KCNK2: variants seen among roughly 807,000 people sequenced by gnomAD.
KCNK2 encodes the protein potassium two pore domain channel subfamily K member 2.
In KCNK2, 21 loss-of-function variants were observed where a neutral mutation model predicts 40.5. The ratio of observed to expected loss-of-function variants is 0.52; its 90% CI spans 0.37 to 0.75. The LOEUF (loss-of-function observed/expected upper bound fraction) is 0.75. Ranked by LOEUF, KCNK2 falls within the 30% of genes least tolerant of loss-of-function variation. The pLI, the probability that KCNK2 is intolerant of heterozygous loss-of-function variation, is 0.00. For missense variants in KCNK2, 399 were observed against 531.6 expected, an observed-to-expected ratio of 0.75 and a Z score of 2.45; for synonymous variants, 191 against 202.2, an observed-to-expected ratio of 0.94 and a Z score of 0.47.
intron 1 of KCNK2, among the ~76,000 whole-genome samples, chr1:215,027,742 T>C (rs1177708902): frequency 6.6e-6 from 1 of 152,222 alleles, no homozygotes; most frequent in Non-Finnish European, 1.5e-5. Context: ...TTCCATATTT[T>C]CTGTAGTATA....
chr1:215,214,843 G>GAAAAACC lies in KCNK2; in HGVS notation c.963+19764_963+19770dup, dbSNP rs568845245. Among the ~76,000 whole-genome samples the GAAAAACC allele has an allele frequency of 1.5e-4, 23 of 151,820 alleles. 2 individuals carry two copies. In the South Asian group the frequency reaches 4.8e-3, roughly 32 times the overall value. On this transcript the variant is annotated intron_variant, in intron 6 of 6. Transcript: ENST00000444842. ...CCTTGTCTCAAAAAAATAAAAAATT[G>GAAAAACC]AAAAACCAAAAACCAAAAAAAAATC...
intron 1 of KCNK2, among the ~76,000 whole-genome samples, chr1:215,075,929 C>T (rs1464160499): frequency 1.3e-5 from 2 of 152,134 alleles, no homozygotes; most frequent in Admixed American, 6.5e-5. Context: ...TATTCATGGC[C>T]CACCCCCCAG....
At chr1:215,176,016 A>G (rs1663951977) in intron 5 of KCNK2, among the ~76,000 whole-genome samples, 1 of 152,094 alleles carries the variant, frequency 6.6e-6, no homozygotes, top group Admixed American at 6.6e-5. Context: ...ATAGCCAGTA[A>G]TAGGATTGCT....
intron 6 of KCNK2, among the ~76,000 whole-genome samples, chr1:215,221,287 T>C (rs1373241764): frequency 6.6e-6 from 1 of 151,456 alleles, no homozygotes; most frequent in Non-Finnish European, 1.5e-5. Flanking sequence ...GGCAGGAGAG[T>C]TGCTTGAACT....
intron 6 of KCNK2, among the ~76,000 whole-genome samples, chr1:215,216,485 T>C (rs1571741933): frequency 6.7e-6 from 1 of 148,430 alleles, no homozygotes; most frequent in Non-Finnish European, 1.5e-5. Context: ...TGTATTTTTA[T>C]ACATAATACT....
At chr1:215,222,228 A>G (rs12406223) in intron 6 of KCNK2, among the ~76,000 whole-genome samples, 28,508 of 151,382 alleles carry the variant, frequency 0.19, 3,173 homozygotes, top group South Asian at 0.46. Flanking sequence ...TTGGGTGGGG[A>G]CAACTATCCA....
chr1:215,103,629 G>T (rs1660312941), intron 2 of KCNK2, among the ~76,000 whole-genome samples: 1 of 152,032 alleles, frequency 6.6e-6, no homozygotes, highest in Non-Finnish European at 1.5e-5. Context: ...TCTATTTCAT[G>T]AGGGTAATTT....
At chr1:215,215,672 G>C (rs1001878827) in intron 6 of KCNK2, among the ~76,000 whole-genome samples, 3 of 152,124 alleles carry the variant, frequency 2.0e-5, no homozygotes, top group African/African-American at 7.2e-5. Flanking sequence ...TTGTTAAAAG[G>C]ACACTAAAGT....
At chr1:215,133,688 A>G (rs1367171869) in intron 3 of KCNK2, among the ~76,000 whole-genome samples, 1 of 150,234 alleles carries the variant, frequency 6.7e-6, no homozygotes, top group Non-Finnish European at 1.5e-5. Context: ...ATTGTTATTT[A>G]TGTGGTAGGG....
At chr1:215,222,531 A>G (rs952373267) in intron 6 of KCNK2, among the ~76,000 whole-genome samples, 1 of 152,190 alleles carries the variant, frequency 6.6e-6, no homozygotes, top group Non-Finnish European at 1.5e-5. Flanking sequence ...CATTGTCTTT[A>G]AAAAGATTAA....
chr1:215,033,058 T>C (rs1328987497), intron 1 of KCNK2, among the ~76,000 whole-genome samples: 1 of 152,044 alleles, frequency 6.6e-6, no homozygotes, highest in Non-Finnish European at 1.5e-5. Flanking sequence ...TCTTTTTTTT[T>C]CTCTTCACTT....
At chr1:215,106,381 A>G (rs374672290) in intron 2 of KCNK2, among the ~76,000 whole-genome samples, 2 of 152,114 alleles carry the variant, frequency 1.3e-5, no homozygotes, top group African/African-American at 4.8e-5. Flanking sequence ...GGTCCCTTGT[A>G]TGTCTTCTTT....
At chr1:215,007,918 C>A (rs1379132658) in intron 1 of KCNK2, among the ~76,000 whole-genome samples, 14 of 152,070 alleles carry the variant, frequency 9.2e-5, no homozygotes, top group Admixed American at 9.2e-4. Flanking sequence ...TTAATCCAGG[C>A]AAATTGCAAA....
chr1:215,210,456 C>G (rs12567974), intron 6 of KCNK2, among the ~76,000 whole-genome samples: 137,923 of 152,012 alleles, frequency 0.91, 63,030 homozygotes, highest in East Asian at 1. Context: ...TATAGTCTGA[C>G]TACAGAAAAA....
chr1:215,090,380 C>T (rs1289945116), intron 2 of KCNK2, among the ~76,000 whole-genome samples: 12 of 152,108 alleles, frequency 7.9e-5, no homozygotes. Flanking sequence ...GCACTTACTT[C>T]TGGTATTTAC....
In KCNK2 at chr1:215,194,935, A is replaced by C. The variant is rs1222807125; in HGVS notation, c.824-18A>C. The stretch of plus-strand genomic sequence containing the variant: ...TAAGACTATGAAGTTATTTTGTTTT[A>C]CTTTGTTTTGTCTCCAGGTGGATCC... On this transcript the variant is annotated intron_variant, in intron 5 of 6. Transcript: ENST00000444842. 1 of 1,610,700 alleles carries C rather than the reference A, an allele frequency of 6.2e-7. No homozygotes were observed. The highest frequency in any genetic ancestry group is 2.2e-5 in the East Asian group (1 of 44,714).
chr1:215,235,490 C>A lies in KCNK2; in HGVS notation c.*345C>A. 5.1e-6 allele frequency: 1 copy of A among 196,038 alleles called. No homozygotes were observed. Among genetic ancestry groups the A allele is most frequent in the East Asian group, 1.2e-4 (1 of 8,464 alleles). 12.1% of individuals were successfully genotyped at this position (196,038 alleles called of 1,614,324 possible). On this transcript the variant is annotated 3_prime_UTR_variant, in exon 7 of 7. Transcript: ENST00000444842. ...TGGTAACAATGTAGCTTTGAGGGAT[C>A]AGTTCTTAACTTTTCAGGGTCTACC...
At chr1:215,113,421 A>T (rs966504579) in intron 2 of KCNK2, among the ~76,000 whole-genome samples, 1 of 152,074 alleles carries the variant, frequency 6.6e-6, no homozygotes, top group Non-Finnish European at 1.5e-5. Context: ...CAAGTGACCC[A>T]CTTAGCCTCT....
At chr1:215,048,304 T>A (rs1376006256) in intron 1 of KCNK2, among the ~76,000 whole-genome samples, 1 of 152,162 alleles carries the variant, frequency 6.6e-6, no homozygotes, top group African/African-American at 2.4e-5. Context: ...GAAGAAGAAA[T>A]ATTGTGAAAA....
Sources: gnomAD v4.1 joint callset for allele counts (sites outside exome capture counted in the v4.1 genomes callset) on GRCh38, gnomAD v4.1.1 for gene constraint, MANE v1.5 for transcripts, NCBI Gene and HGNC (gene_info 2026-07-23, HGNC 2026-07-21) for gene names.